GTF3C1: variants seen among roughly 807,000 people sequenced by gnomAD.
The protein encoded by GTF3C1 is general transcription factor 3C polypeptide 1.
A neutral mutation model predicts 226.7 loss-of-function variants in GTF3C1; 57 were observed. The ratio of observed to expected loss-of-function variants is 0.25; its 90% confidence interval spans 0.20 to 0.31. The LOEUF (loss-of-function observed/expected upper bound fraction) is 0.31, where lower values mean the gene tolerates loss of function less well. Among genes scored for constraint, GTF3C1 ranks in the 10% least tolerant of loss-of-function variants. The pLI is 1.00. For synonymous variants in GTF3C1, 1,090 were observed against 1,084.8 expected, an observed-to-expected ratio of 1.00 and a Z score of -0.09; for missense variants, 2,217 against 2,776.1, an observed-to-expected ratio of 0.80 and a Z score of 4.53.
chr16:27,481,480 A>C (rs1200904814), intron 26 of GTF3C1, among the ~76,000 whole-genome samples: 1 of 150,970 alleles, frequency 6.6e-6, no homozygotes, highest in African/African-American at 2.4e-5. Flanking sequence ...CCCAAGCCCC[A>C]GGTGAGATGA....
chr16:27,463,556 TGG>T lies in GTF3C1; in HGVS notation c.5907_5908del (p.Gln1970GlyfsTer8). The T allele has an allele frequency of 6.3e-7, 1 of 1,598,940 alleles. No individual in the cohort carries two copies. Among genetic ancestry groups the T allele is most frequent in the Non-Finnish European group, 8.6e-7 (1 of 1,166,276 alleles). On this transcript the variant is annotated frameshift_variant, in exon 35 of 37. Transcript: ENST00000356183. LOFTEE classifies it high-confidence loss of function. This position sits in a 1 kb window ranked among gnomAD's most constrained non-coding sequence, Gnocchi z 4.9. ...CCACACCCACCTTTCCCGTGCTGCC[TGG>T]GAGATGTTGGCAGCTCCGAAACTCT...
intron 28 of GTF3C1, among the ~76,000 whole-genome samples, chr16:27,477,452 A>G (rs367739816): frequency 6.9e-4 from 105 of 152,120 alleles, no homozygotes; most frequent in African/African-American, 2.4e-3. Context: ...GATTACAGGC[A>G]CCTGCCACGC....
chr16:27,503,510 C>T lies in GTF3C1; in HGVS notation c.1771-515G>A, dbSNP rs141510397. 2.1e-3 allele frequency among the ~76,000 whole-genome samples: 318 copies of T among 152,226 alleles called. 3 individuals are homozygous for T. Among genetic ancestry groups the T allele is most frequent in the African/African-American group, 6.7e-3 (277 of 41,516 alleles). The stretch of plus-strand genomic sequence containing the variant: ...CCAGGATGGGGCCTCTGACTCCAGA[C>T]GGAAGAAACCAGGGAAGTCTCTGGG... On this transcript the variant is annotated intron_variant, in intron 10 of 36. Coordinates refer to ENST00000356183, the MANE Select transcript of GTF3C1 (RefSeq NM_001520.4).
intron 23 of GTF3C1, among the ~76,000 whole-genome samples, chr16:27,487,586 G>A (rs1395414274): frequency 6.6e-6 from 1 of 152,148 alleles, no homozygotes; most frequent in Non-Finnish European, 1.5e-5. Flanking sequence ...TTGAGGTCAG[G>A]AGTTCCAGAC....
At chr16:27,493,614 T>C (rs1344813708) in intron 16 of GTF3C1, among the ~76,000 whole-genome samples, 2 of 152,174 alleles carry the variant, frequency 1.3e-5, no homozygotes, top group African/African-American at 4.8e-5. Flanking sequence ...AAAGATGAGA[T>C]AGAGAACACG....
intron 5 of GTF3C1, among the ~76,000 whole-genome samples, chr16:27,530,637 A>G (rs2088901596): frequency 6.6e-6 from 1 of 152,198 alleles, no homozygotes; most frequent in African/African-American, 2.4e-5. Flanking sequence ...ATAGTCATGG[A>G]AGATCTTCAT....
chr16:27,533,050 T>A (rs1481024874), intron 5 of GTF3C1, among the ~76,000 whole-genome samples: 1 of 152,086 alleles, frequency 6.6e-6, no homozygotes, highest in Admixed American at 6.6e-5. Context: ...GAGAATCGCT[T>A]GAACCTGGGA....
At position 27,488,615 on chromosome 16, in the gene GTF3C1, A is replaced by G; in HGVS notation, c.3450T>C (p.Asn1150=). The G allele has an allele frequency of 6.2e-7, 1 of 1,613,378 alleles. No homozygotes were observed. Among genetic ancestry groups the G allele is most frequent in the Non-Finnish European group, 8.5e-7 (1 of 1,179,844 alleles). ...ATGTCTGGAGCCTCACTGTGAGTCC[A>G]TTCTCTGCGGCAGTGTTCTCCTGTG... ...QAKKENTAAE[N]GLTVRLQTFL... The change falls in exon 22 of 37, where the codon AAT becomes AAC. Residue 1150 remains asparagine (N), a synonymous_variant. Coordinates refer to ENST00000356183, the MANE Select transcript of GTF3C1 (RefSeq NM_001520.4).
At chr16:27,464,172 G>A (rs1259053165) in intron 34 of GTF3C1, 148 bp downstream of exon 34, 1 of 487,292 alleles carries the variant, frequency 2.1e-6, no homozygotes. Flanking sequence ...TCCCCCTCAG[G>A]GCTCAGGCTC....
chr16:27,511,985 A>G, intron 6 of GTF3C1, 84 bp from the exon 7 acceptor site: 1 of 1,455,230 alleles, frequency 6.9e-7, no homozygotes, highest in Non-Finnish European at 9.5e-7. Context: ...ATATCACAGC[A>G]CATGTCAGCA....
At chr16:27,478,128 T>C (rs1405304178) in intron 28 of GTF3C1, among the ~76,000 whole-genome samples, 1 of 150,952 alleles carries the variant, frequency 6.6e-6, no homozygotes, top group Non-Finnish European at 1.5e-5. Flanking sequence ...CTGAGATCAA[T>C]CCACTGCACT....
At chr16:27,515,941 A>G (rs1894341334) in intron 6 of GTF3C1, among the ~76,000 whole-genome samples, 1 of 152,210 alleles carries the variant, frequency 6.6e-6, no homozygotes, top group Non-Finnish European at 1.5e-5. Flanking sequence ...GCTCCATTTC[A>G]CAGATGCGGA....
Position 27,467,622 on chromosome 16 carries a change from C to A in GTF3C1, c.5074+1669G>T, listed in dbSNP as rs553133965. Among the ~76,000 whole-genome samples, 40 of 152,326 alleles carry A rather than the reference C, an allele frequency of 2.6e-4. 1 individual carries two copies. The highest frequency in any genetic ancestry group is 4.3e-4 in the Non-Finnish European group (29 of 68,042). On this transcript the variant is annotated intron_variant, in intron 32 of 36. Transcript: ENST00000356183. Reference sequence around the variant, plus strand: ...CAGTGGCTCACGCCTGTAATCCCAGCACTTTGGGAGGCTACGGTGGGTGGA... The same window carrying A: ...CAGTGGCTCACGCCTGTAATCCCAGAACTTTGGGAGGCTACGGTGGGTGGA...
chr16:27,491,009 A>T (rs1169320151), intron 19 of GTF3C1, among the ~76,000 whole-genome samples: 1 of 152,202 alleles, frequency 6.6e-6, no homozygotes, highest in Non-Finnish European at 1.5e-5. Flanking sequence ...TTTTATCTAG[A>T]TATAAAATGC....
At chr16:27,521,032 TAAAGCGCGATC>T (rs2088740076) in intron 6 of GTF3C1, among the ~76,000 whole-genome samples, 1 of 152,080 alleles carries the variant, frequency 6.6e-6, no homozygotes, top group Non-Finnish European at 1.5e-5. Flanking sequence ...CCAATGCTCT[TAAAGCGCGATC>T]AATAGATGGG....
chr16:27,522,944 T>C (rs561352566), intron 6 of GTF3C1, among the ~76,000 whole-genome samples: 1 of 152,336 alleles, frequency 6.6e-6, no homozygotes, highest in South Asian at 2.1e-4. Context: ...GAAATCTTAC[T>C]GAACTTTTTT....
In GTF3C1 at chr16:27,545,390, C is replaced by T; in HGVS notation, c.355G>A (p.Glu119Lys). Residue 119 changes from glutamate to lysine, a missense_variant, in exon 2 of 37, where the codon GAG (glutamate) becomes AAG (lysine). By Grantham distance (56) the Glu-to-Lys change is moderately conservative. Transcript: ENST00000356183. ...ATGTCATTGGTAATGTTTTTCCTCT[C>T]CTTAAAGTAGCGGCATGAGCCCTGG... The part of the protein sequence containing the change: ...GIQGSCRYFK[E>K]RKNITNDIRT... 1 of 1,613,894 alleles carries T rather than the reference C, an allele frequency of 6.2e-7. No individual in the cohort carries two copies. Among genetic ancestry groups the T allele is most frequent in the Non-Finnish European group, 8.5e-7 (1 of 1,179,754 alleles).
rs200545297 is a variant in GTF3C1 at position 27,464,368 on chromosome 16, G to A, written c.5824C>T (p.Gln1942Ter). Residue 1942 changes from glutamine (Q) to a stop codon, truncating the protein, a stop_gained, in exon 34 of 37, where the codon CAG (glutamine) becomes TAG (stop). Transcript: ENST00000356183. LOFTEE classifies it high-confidence loss of function. The stretch of plus-strand genomic sequence containing the variant: ...GGAGGCTGCGCCTGGCCGCTCAGCT[G>A]CTCTTGGCCTGGGGAACTGAACTCA... ...VGEFSSPGQE[Q>*]LSGQAQPPEG... 3.8e-6 allele frequency: 6 copies of A among 1,568,210 alleles called. No individual in the cohort carries two copies. The Admixed American group carries it at 1.2e-4, about 31-fold the overall frequency.
intron 14 of GTF3C1, 56 bp downstream of exon 14, chr16:27,497,581 G>T: frequency 7.0e-7 from 1 of 1,437,594 alleles, no homozygotes; most frequent in Non-Finnish European, 9.7e-7. Flanking sequence ...CTCAAACATT[G>T]TCATACAAAC....
Sources: gnomAD v4.1 joint callset for allele counts (sites outside exome capture counted in the v4.1 genomes callset) on GRCh38, gnomAD v4.1.1 for gene constraint, Gnocchi (gnomAD v3.1) non-coding constraint, MANE v1.5 for transcripts, NCBI Gene and HGNC (gene_info 2026-07-23, HGNC 2026-07-21) for gene names.